Variants in MAML3 observed in about 807,000 individuals in gnomAD.
MAML3 encodes the protein mastermind-like protein 3.
In MAML3, 27 loss-of-function variants were observed where a neutral mutation model predicts 101.9. The ratio of observed to expected loss-of-function variants is 0.27; its 90% confidence interval spans 0.20 to 0.37. The LOEUF is 0.37. Ranked by LOEUF, MAML3 falls within the 10% of genes least tolerant of loss-of-function variation. The pLI, the probability that MAML3 is intolerant of heterozygous loss-of-function variation, is 1.00. For synonymous variants in MAML3, 501 were observed against 555.9 expected (o/e 0.90, Z 1.39); for missense variants, 1,316 against 1,444.9 (o/e 0.91, Z 1.45).
At chr4:140,056,696 G>A (rs1727354845) in intron 1 of MAML3, among the ~76,000 whole-genome samples, 1 of 151,408 alleles carries the variant, frequency 6.6e-6, no homozygotes, top group South Asian at 2.1e-4. Flanking sequence ...TGTAGTCCCA[G>A]CTACTCGGGA....
chr4:139,869,093 A>G (rs553294247), intron 2 of MAML3, among the ~76,000 whole-genome samples: 3 of 152,230 alleles, frequency 2.0e-5, no homozygotes, highest in Non-Finnish European at 4.4e-5. Context: ...GATTATTTCA[A>G]TCCCATGTTT....
intron 1 of MAML3, among the ~76,000 whole-genome samples, chr4:140,143,678 T>C (rs1207724281): frequency 1.3e-5 from 2 of 152,088 alleles, no homozygotes; most frequent in Non-Finnish European, 2.9e-5. Flanking sequence ...GGAGAATCGC[T>C]TCAACCCAGG....
chr4:140,129,221 G>C (rs1442941809), intron 1 of MAML3, among the ~76,000 whole-genome samples: 1 of 152,180 alleles, frequency 6.6e-6, no homozygotes, highest in African/African-American at 2.4e-5. Context: ...TGAGCTGTTA[G>C]TATTATCACT....
At chr4:139,990,971 A>C (rs1293366284) in intron 1 of MAML3, among the ~76,000 whole-genome samples, 6 of 152,236 alleles carry the variant, frequency 3.9e-5, no homozygotes, top group Non-Finnish European at 7.3e-5. Flanking sequence ...AAATGGTCAT[A>C]CTGCCCAAGG....
In MAML3 at chr4:140,111,215, C is replaced by T. The variant is rs1728433484; in HGVS notation, c.468+41645G>A. 2.0e-5 allele frequency among the ~76,000 whole-genome samples: 3 copies of T among 152,298 alleles called. No homozygotes were observed. In the South Asian group the frequency reaches 6.2e-4, roughly 32 times the overall value. ...TAGCCAAAGGCCTCTGTAACACAGC[C>T]ACGTTAATTATTTGGTGGCTGCTGG... On this transcript the variant is annotated intron_variant, in intron 1 of 4. Coordinates refer to ENST00000509479, the MANE Select transcript of MAML3 (RefSeq NM_018717.5).
chr4:139,974,675 T>C (rs918139957), intron 1 of MAML3, among the ~76,000 whole-genome samples: 2 of 152,084 alleles, frequency 1.3e-5, no homozygotes, highest in African/African-American at 2.4e-5. Context: ...AACCTTTCAA[T>C]GCCTACGTAG....
At chr4:139,997,606 G>A (rs999001735) in intron 1 of MAML3, among the ~76,000 whole-genome samples, 6 of 152,014 alleles carry the variant, frequency 3.9e-5, no homozygotes, top group Admixed American at 2.6e-4. Flanking sequence ...TAATTATATA[G>A]TCACTTATAT....
chr4:139,892,504 G>A (rs1560827735), intron 1 of MAML3, among the ~76,000 whole-genome samples: 1 of 148,734 alleles, frequency 6.7e-6, no homozygotes, highest in Admixed American at 6.8e-5. Context: ...CTTCTAACTC[G>A]TCTTTTACGC....
chr4:139,894,263 C>A (rs972918962), intron 1 of MAML3, among the ~76,000 whole-genome samples: 3 of 152,104 alleles, frequency 2.0e-5, no homozygotes, highest in African/African-American at 7.2e-5. Context: ...GTAATCCCAG[C>A]ACTTTGGGAG....
intron 2 of MAML3, among the ~76,000 whole-genome samples, chr4:139,869,142 C>T (rs931974872): frequency 6.6e-6 from 1 of 152,170 alleles, no homozygotes; most frequent in Non-Finnish European, 1.5e-5. Context: ...ATTGACAAGC[C>T]TGATTGGTAT....
At chr4:139,863,633 A>C (rs561892359) in intron 2 of MAML3, among the ~76,000 whole-genome samples, 1 of 152,056 alleles carries the variant, frequency 6.6e-6, no homozygotes, top group Non-Finnish European at 1.5e-5. Context: ...CACCGTGCCC[A>C]GCTGCCTTTT....
At position 140,117,829 on chromosome 4, in the gene MAML3, G is replaced by A. The variant is rs187106821; in HGVS notation, c.468+35031C>T. ...TTACAAAAACATGAGATTATCAAAG[G>A]AGCCCAACAGTTTCTCTAAGCACAT... On this transcript the variant is annotated intron_variant, in intron 1 of 4. Transcript: ENST00000509479. 1.2e-3 allele frequency among the ~76,000 whole-genome samples: 175 copies of A among 151,922 alleles called. 1 individual carries two copies. The highest frequency in any genetic ancestry group is 4.0e-3 in the African/African-American group (166 of 41,452).
chr4:140,041,950 T>C (rs1264867259), intron 1 of MAML3, among the ~76,000 whole-genome samples: 1 of 152,160 alleles, frequency 6.6e-6, no homozygotes, highest in Non-Finnish European at 1.5e-5. Context: ...GAGATAAAAA[T>C]AGAACAACTA....
At chr4:139,997,090 AATTT>A (rs977630956) in intron 1 of MAML3, among the ~76,000 whole-genome samples, 12 of 140,396 alleles carry the variant, frequency 8.5e-5, no homozygotes, top group Non-Finnish European at 1.8e-4. Context: ...AAATAAAATA[AATTT>A]TTTTGAGACT....
chr4:139,719,168 G>A lies in MAML3; in HGVS notation c.*155C>T. The A allele has an allele frequency of 1.3e-6, 1 of 798,266 alleles. No homozygotes were observed. Among genetic ancestry groups the A allele is most frequent in the Non-Finnish European group, 1.9e-6 (1 of 524,156 alleles). The allele number at this position is 798,266 out of a possible 1,614,324, so 49.4% of individuals were successfully genotyped here. On this transcript the variant is annotated 3_prime_UTR_variant, in exon 5 of 5. Coordinates refer to ENST00000509479, the MANE Select transcript of MAML3 (RefSeq NM_018717.5). ...TGAAATGAGGCCTGGTGGGGCTGTGGATTGGCACCTGGATCTTCCATTGTC... is the reference window on the plus strand; with the variant it reads ...TGAAATGAGGCCTGGTGGGGCTGTGAATTGGCACCTGGATCTTCCATTGTC...
intron 1 of MAML3, among the ~76,000 whole-genome samples, chr4:140,036,150 G>A (rs1419697002): frequency 6.6e-6 from 1 of 152,188 alleles, no homozygotes; most frequent in African/African-American, 2.4e-5. Context: ...TGTCAGTCAA[G>A]GTTTTCATTG....
At chr4:140,031,747 A>G (rs1019171190) in intron 1 of MAML3, among the ~76,000 whole-genome samples, 3 of 152,194 alleles carry the variant, frequency 2.0e-5, no homozygotes, top group African/African-American at 7.2e-5. Context: ...GAATGACAAG[A>G]TTACCTTCAT....
At chr4:139,875,365 C>G (rs1042693029) in intron 2 of MAML3, among the ~76,000 whole-genome samples, 1 of 152,178 alleles carries the variant, frequency 6.6e-6, no homozygotes, top group Admixed American at 6.5e-5. Context: ...AGAACTGTGA[C>G]TGCTTTGCAG....
Position 139,716,772 on chromosome 4 carries a change from A to ATTT in MAML3, c.*2548_*2550dup, listed in dbSNP as rs529078633. ...TTTGGATTGATTCAGATAATCTTTT[A>ATTT]TTTTTGTTTTTGTTTTCTTTAAAAG... On this transcript the variant is annotated 3_prime_UTR_variant, in exon 5 of 5. Coordinates refer to ENST00000509479, the MANE Select transcript of MAML3 (RefSeq NM_018717.5). The ATTT allele has an allele frequency of 2.6e-3, 399 of 152,584 alleles. 2 individuals are homozygous for ATTT. Among genetic ancestry groups the ATTT allele is most frequent in the African/African-American group, 9.0e-3 (374 of 41,580 alleles). The allele number at this position is 152,584 out of a possible 1,614,324, so 9.5% of individuals were successfully genotyped here. A position where few individuals can be genotyped will look rare whatever the true frequency, so the allele number is the denominator to read the frequency against.
Sources: allele counts gnomAD v4.1 joint callset (sites outside exome capture counted in the v4.1 genomes callset), GRCh38; gene constraint gnomAD v4.1.1; transcripts MANE v1.5; gene names NCBI Gene and HGNC (gene_info 2026-07-23, HGNC 2026-07-21).